Variants in SRGAP2 observed in about 807,000 individuals in gnomAD.
SRGAP2 encodes the protein SLIT-ROBO Rho GTPase-activating protein 2.
In SRGAP2, 15 loss-of-function variants were observed where a neutral mutation model predicts 57.2. The ratio of observed to expected loss-of-function variants is 0.26; its 90% confidence interval spans 0.18 to 0.40. The LOEUF (loss-of-function observed/expected upper bound fraction) is 0.40, where lower values mean the gene tolerates loss of function less well. SRGAP2 is among the 10% of genes least tolerant of loss of function. The probability of loss-of-function intolerance (pLI) is 1.00; values close to 1 mark genes in which losing one functional copy is unlikely to be tolerated. For missense variants in SRGAP2, 520 were observed against 669.6 expected (o/e 0.78, Z 2.47); for synonymous variants, 249 against 248.0 (o/e 1.00, Z -0.04).
At position 206,454,096 on chromosome 1, in the gene SRGAP2, C is replaced by T. The variant is rs989159593; in HGVS notation, c.2360+716C>T. On this transcript the variant is annotated intron_variant, in intron 20 of 22. Coordinates refer to ENST00000573034, the MANE Select transcript of SRGAP2 (RefSeq NM_015326.5). This position sits in a 1 kb window ranked among gnomAD's most constrained non-coding sequence, Gnocchi z 4.3. ...GTCCCCAGCTCCCCTCCCTTGGATACGATGCTGTCAGTGTTTTTAGTCCTT... is the reference window on the plus strand; with the variant it reads ...GTCCCCAGCTCCCCTCCCTTGGATATGATGCTGTCAGTGTTTTTAGTCCTT... 4.8e-5 allele frequency: 34 copies of T among 701,972 alleles called. No homozygotes were observed. The highest frequency in any genetic ancestry group is 3.0e-4 in the African/African-American group (17 of 57,242). The allele number at this position is 701,972 out of a possible 1,614,324, so 43.5% of individuals were successfully genotyped here.
At chr1:206,452,324 A>T (rs1418468651) in intron 19 of SRGAP2, among the ~76,000 whole-genome samples, 2 of 152,138 alleles carry the variant, frequency 1.3e-5, no homozygotes, top group Non-Finnish European at 2.9e-5. Context: ...ATATATTTTC[A>T]TATTTTGCTC....
At chr1:206,437,127 C>G in intron 15 of SRGAP2, 85 bp downstream of exon 15, 2 of 766,018 alleles carry the variant, frequency 2.6e-6, no homozygotes, top group Non-Finnish European at 2.4e-6. Flanking sequence ...TAAGAGGTCC[C>G]CAGAGGTCAG....
At chr1:206,243,667 G>A (rs1205404512) in intron 2 of SRGAP2, among the ~76,000 whole-genome samples, 1 of 152,198 alleles carries the variant, frequency 6.6e-6, no homozygotes, top group Non-Finnish European at 1.5e-5. Flanking sequence ...TAGAGAGAAA[G>A]GGCAGATGTA....
At chr1:206,306,693 C>G (rs1390008746) in intron 3 of SRGAP2, among the ~76,000 whole-genome samples, 1 of 152,148 alleles carries the variant, frequency 6.6e-6, no homozygotes, top group Non-Finnish European at 1.5e-5. Flanking sequence ...GAGATAGATA[C>G]AAAGGTTCTC....
At chr1:206,333,718 G>A (rs1553332800) in intron 3 of SRGAP2, among the ~76,000 whole-genome samples, 4 of 152,204 alleles carry the variant, frequency 2.6e-5, no homozygotes, top group Non-Finnish European at 5.9e-5. Flanking sequence ...AACAGGTGAA[G>A]AGATTTTGAG....
At chr1:206,392,633 G>C (rs1279615015) in intron 5 of SRGAP2, 56 bp from the exon 6 acceptor site, 1 of 716,206 alleles carries the variant, frequency 1.4e-6, no homozygotes, top group African/African-American at 1.8e-5. Context: ...CTGTAAAGCA[G>C]AGAAATGACC....
At chr1:206,257,783 A>AT (rs566499317) in intron 2 of SRGAP2, among the ~76,000 whole-genome samples, 1,385 of 132,154 alleles carry the variant, frequency 0.01, 52 homozygotes, top group African/African-American at 0.034. Context: ...AACAAATGAT[A>AT]TTTTTTCAGA....
At chr1:206,414,751 C>T (rs1383176604) in intron 10 of SRGAP2, among the ~76,000 whole-genome samples, 1 of 152,182 alleles carries the variant, frequency 6.6e-6, no homozygotes, top group East Asian at 1.9e-4. Flanking sequence ...TTGATACCTC[C>T]CCTCCCCTGA....
chr1:206,314,189 C>T (rs1672898030), intron 3 of SRGAP2, among the ~76,000 whole-genome samples: 1 of 149,150 alleles, frequency 6.7e-6, no homozygotes, highest in Non-Finnish European at 1.5e-5. Flanking sequence ...GGCTGGAGTG[C>T]AATGGCACGA....
At chr1:206,385,785 T>A (rs542118112) in intron 5 of SRGAP2, among the ~76,000 whole-genome samples, 1 of 152,310 alleles carries the variant, frequency 6.6e-6, no homozygotes, top group Non-Finnish European at 1.5e-5. Flanking sequence ...GACAGCCCAA[T>A]ATTCGCCAAC....
intron 4 of SRGAP2, among the ~76,000 whole-genome samples, chr1:206,378,786 C>G (rs1248083641): frequency 6.6e-6 from 1 of 152,198 alleles, no homozygotes; most frequent in Non-Finnish European, 1.5e-5. Flanking sequence ...CTCTTAAGAG[C>G]TGTAACACTC....
chr1:206,324,413 A>G (rs547135006), intron 3 of SRGAP2, among the ~76,000 whole-genome samples: 2 of 152,376 alleles, frequency 1.3e-5, no homozygotes, highest in East Asian at 1.9e-4. Context: ...CCCTTTTAAA[A>G]TCTTCCATCT....
rs1175635542 is a variant in SRGAP2 at position 206,437,958 on chromosome 1, C to T, written c.1634-6C>T. 3.8e-6 allele frequency: 3 copies of T among 780,562 alleles called. No homozygotes were observed. Among genetic ancestry groups the T allele is most frequent in the Non-Finnish European group, 7.2e-6 (3 of 417,938 alleles). The allele number at this position is 780,562 out of a possible 1,614,324, so 48.4% of individuals were successfully genotyped here. ...TTTCCTTTTCGTGGGGGTTGCTTATCCTCAGGAGAGGACCCCCTGGCTGGG... is the reference window on the plus strand; with the variant it reads ...TTTCCTTTTCGTGGGGGTTGCTTATTCTCAGGAGAGGACCCCCTGGCTGGG... On this transcript the variant is annotated splice_region_variant and splice_polypyrimidine_tract_variant and intron_variant, in intron 15 of 22. Transcript: ENST00000573034.
Position 206,454,446 on chromosome 1 carries a change from G to A in SRGAP2, c.2361-432G>A, listed in dbSNP as rs1663638262. 1 of 490,128 alleles carries A rather than the reference G, an allele frequency of 2.0e-6. No individual in the cohort carries two copies. Among genetic ancestry groups the A allele is most frequent in the Non-Finnish European group, 3.6e-6 (1 of 276,758 alleles). The allele number at this position is 490,128 out of a possible 1,614,324, so 30.4% of individuals were successfully genotyped here. On this transcript the variant is annotated intron_variant, in intron 20 of 22. Transcript: ENST00000573034. This position sits in a 1 kb window ranked among gnomAD's most constrained non-coding sequence, Gnocchi z 4.3. ...ACAGTGTGTGGCGGTGTCCTGCCAC[G>A]ACGCCGCCGTCTCCAGAGCCACCAC... is the stretch of plus-strand genomic sequence containing the variant.
chr1:206,206,084 T>G, intron 2 of SRGAP2, 47 bp downstream of exon 2: 1 of 1,516,218 alleles, frequency 6.6e-7, no homozygotes, highest in Non-Finnish European at 8.9e-7. Context: ...TGTGGACTGG[T>G]GAGGCGTGTA....
intron 17 of SRGAP2, among the ~76,000 whole-genome samples, chr1:206,445,600 T>C (rs1311643267): frequency 6.6e-6 from 1 of 152,224 alleles, no homozygotes; most frequent in African/African-American, 2.4e-5. Flanking sequence ...AATTTGATTA[T>C]TTTGTTATGC....
chr1:206,308,067 C>T (rs1188028505), intron 3 of SRGAP2, among the ~76,000 whole-genome samples: 42 of 142,642 alleles, frequency 2.9e-4, no homozygotes, highest in Non-Finnish European at 6.0e-4. Flanking sequence ...AGGGTGATTT[C>T]TCCAAGTTTA....
At chr1:206,426,183 A>C (rs571760349) in intron 13 of SRGAP2, among the ~76,000 whole-genome samples, 1 of 152,284 alleles carries the variant, frequency 6.6e-6, no homozygotes, top group African/African-American at 2.4e-5. Context: ...GCCTTCATGC[A>C]ATCAAATTTT....
intron 3 of SRGAP2, among the ~76,000 whole-genome samples, chr1:206,326,614 C>T (rs531898473): frequency 6.6e-6 from 1 of 152,250 alleles, no homozygotes; most frequent in Non-Finnish European, 1.5e-5. Flanking sequence ...TCTTGCCCTG[C>T]TCCACCACTG....
Sources: allele counts gnomAD v4.1 joint callset (sites outside exome capture counted in the v4.1 genomes callset), GRCh38; gene constraint gnomAD v4.1.1; non-coding constraint Gnocchi (gnomAD v3.1); transcripts MANE v1.5; gene names NCBI Gene and HGNC (gene_info 2026-07-23, HGNC 2026-07-21).